Variants in ADCY2 observed in about 807,000 individuals in gnomAD.
ADCY2 encodes adenylate cyclase type 2.
A neutral mutation model predicts 125.2 loss-of-function variants in ADCY2; 31 were observed. That is an observed-to-expected ratio of 0.25 (90% CI 0.19 to 0.33). The LOEUF (loss-of-function observed/expected upper bound fraction) is 0.33, where lower values mean the gene tolerates loss of function less well. ADCY2 is among the 10% of genes least tolerant of loss of function. The pLI is 1.00. For synonymous variants in ADCY2, 512 were observed against 548.4 expected (o/e 0.93, Z 0.93); for missense variants, 904 against 1,418.2 (o/e 0.64, Z 5.82).
At chr5:7,747,852 A>G (rs112779929) in intron 15 of ADCY2, among the ~76,000 whole-genome samples, 1,777 of 152,320 alleles carry the variant, frequency 0.012, 41 homozygotes, top group African/African-American at 0.041. Context: ...TGAAAAACAC[A>G]AGATAAATAT....
rs557594092 is a variant in ADCY2 at position 7,542,655 on chromosome 5, G to A, written c.570+21756G>A. 7.9e-5 allele frequency among the ~76,000 whole-genome samples: 12 copies of A among 152,344 alleles called. No homozygotes were observed. The East Asian group carries it at 1.3e-3, about 17-fold the overall frequency. ...ATGATAGCACCCTGGCATTCGCCACGCAGCAGCGCTGAGAAACTGCAATGT... is the reference window on the plus strand; with the variant it reads ...ATGATAGCACCCTGGCATTCGCCACACAGCAGCGCTGAGAAACTGCAATGT... On this transcript the variant is annotated intron_variant, in intron 3 of 24. Coordinates refer to ENST00000338316, the MANE Select transcript of ADCY2 (RefSeq NM_020546.3).
At chr5:7,739,263 T>C (rs1019056903) in intron 14 of ADCY2, among the ~76,000 whole-genome samples, 1 of 151,824 alleles carries the variant, frequency 6.6e-6, no homozygotes, top group East Asian at 1.9e-4. Context: ...TAGAAATCAT[T>C]AACAATAGAA....
chr5:7,823,976 G>A (rs989916657), intron 24 of ADCY2, among the ~76,000 whole-genome samples: 6 of 152,168 alleles, frequency 3.9e-5, no homozygotes, highest in African/African-American at 1.4e-4. Context: ...TGTCAGTAGG[G>A]AGCCATGTTT....
chr5:7,416,693 A>T (rs1739961584), intron 2 of ADCY2, among the ~76,000 whole-genome samples: 1 of 152,176 alleles, frequency 6.6e-6, no homozygotes, highest in African/African-American at 2.4e-5. Flanking sequence ...ATCAACATTG[A>T]CCAATTAGAA....
intron 4 of ADCY2, among the ~76,000 whole-genome samples, chr5:7,653,357 A>G (rs1036262144): frequency 2.0e-5 from 3 of 152,202 alleles, no homozygotes; most frequent in African/African-American, 7.2e-5. Flanking sequence ...GATGATAATC[A>G]TCCCCATGCA....
chr5:7,733,913 C>A (rs531455451), intron 14 of ADCY2, among the ~76,000 whole-genome samples: 6 of 152,286 alleles, frequency 3.9e-5, no homozygotes, highest in Admixed American at 3.9e-4. Flanking sequence ...AAGCTAAGTC[C>A]TCTCATCAGA....
chr5:7,445,526 G>C (rs920080325), intron 2 of ADCY2, among the ~76,000 whole-genome samples: 1 of 152,246 alleles, frequency 6.6e-6, no homozygotes, highest in East Asian at 1.9e-4. Context: ...ATTAAAACAT[G>C]TAGATGTTTT....
intron 3 of ADCY2, among the ~76,000 whole-genome samples, chr5:7,568,329 C>T (rs1735968678): frequency 6.6e-6 from 1 of 152,142 alleles, no homozygotes; most frequent in Non-Finnish European, 1.5e-5. Context: ...TAATCAGATG[C>T]ATACCTCTTA....
intron 2 of ADCY2, among the ~76,000 whole-genome samples, chr5:7,440,862 A>G (rs1740987816): frequency 6.6e-6 from 1 of 152,230 alleles, no homozygotes; most frequent in Non-Finnish European, 1.5e-5. Context: ...AGGCAGTCAC[A>G]TGGAGGGTTA....
At chr5:7,702,690 G>A (rs991257553) in intron 7 of ADCY2, among the ~76,000 whole-genome samples, 10 of 152,174 alleles carry the variant, frequency 6.6e-5, no homozygotes, top group African/African-American at 2.2e-4. Flanking sequence ...GTAAACATAC[G>A]TGTGCATGCG....
intron 2 of ADCY2, among the ~76,000 whole-genome samples, chr5:7,489,046 A>G (rs1743054882): frequency 6.6e-6 from 1 of 152,194 alleles, no homozygotes; most frequent in Non-Finnish European, 1.5e-5. Context: ...CCATTTCTGC[A>G]AGAAAAATAT....
chr5:7,459,375 C>T (rs576410746), intron 2 of ADCY2, among the ~76,000 whole-genome samples: 6 of 152,146 alleles, frequency 3.9e-5, no homozygotes, highest in Non-Finnish European at 7.3e-5. Context: ...GGGTGTCTTG[C>T]GGTTGCTGTT....
At chr5:7,607,640 A>G (rs1406850939) in intron 3 of ADCY2, among the ~76,000 whole-genome samples, 1 of 152,216 alleles carries the variant, frequency 6.6e-6, no homozygotes, top group South Asian at 2.1e-4. Flanking sequence ...CTTACAATCA[A>G]TGACATGATT....
In ADCY2 at chr5:7,650,082, C is replaced by G. The variant is rs577183536; in HGVS notation, c.720+23766C>G. 3.9e-5 allele frequency among the ~76,000 whole-genome samples: 6 copies of G among 152,268 alleles called. No homozygotes were observed. In the East Asian group the frequency reaches 1.2e-3, roughly 29 times the overall value. Reference sequence around the variant, plus strand: ...GAATTGTCCTTGTTCACACTCCTGCCTACCTAATGTATCCACTATACAGCA... The same window carrying G: ...GAATTGTCCTTGTTCACACTCCTGCGTACCTAATGTATCCACTATACAGCA... On this transcript the variant is annotated intron_variant, in intron 4 of 24. Coordinates refer to ENST00000338316, the MANE Select transcript of ADCY2 (RefSeq NM_020546.3).
intron 15 of ADCY2, among the ~76,000 whole-genome samples, chr5:7,748,717 A>T (rs746503193): frequency 2.7e-4 from 41 of 152,178 alleles, no homozygotes; most frequent in Non-Finnish European, 5.3e-4. Context: ...GATGGGCAAG[A>T]TCCCAATGAG....
intron 24 of ADCY2, among the ~76,000 whole-genome samples, chr5:7,826,143 C>T (rs1421424686): frequency 1.3e-5 from 2 of 152,156 alleles, no homozygotes; most frequent in Non-Finnish European, 2.9e-5. Context: ...TTTTAGGTTA[C>T]TTCACTCAAA....
At chr5:7,613,424 C>A (rs1262941051) in intron 3 of ADCY2, among the ~76,000 whole-genome samples, 2 of 152,186 alleles carry the variant, frequency 1.3e-5, no homozygotes, top group Non-Finnish European at 2.9e-5. Flanking sequence ...TTAGGGGAGA[C>A]CCCAAAAGTT....
At chr5:7,581,318 AT>A (rs1222552364) in intron 3 of ADCY2, among the ~76,000 whole-genome samples, 1 of 152,128 alleles carries the variant, frequency 6.6e-6, no homozygotes, top group East Asian at 1.9e-4. Context: ...ACACACATAT[AT>A]TTCATATATA....
chr5:7,532,381 T>C (rs1016879772), intron 3 of ADCY2, among the ~76,000 whole-genome samples: 1 of 152,238 alleles, frequency 6.6e-6, no homozygotes, highest in South Asian at 2.1e-4. Flanking sequence ...TTTGATCCCC[T>C]TAGGTTTTCC....
Sources: allele counts gnomAD v4.1 joint callset (sites outside exome capture counted in the v4.1 genomes callset), GRCh38; gene constraint gnomAD v4.1.1; transcripts MANE v1.5; gene names NCBI Gene and HGNC (gene_info 2026-07-23, HGNC 2026-07-21).